The following CNR2 variants were observed in gnomAD, a reference collection of about 807,000 sequenced individuals.
The protein encoded by CNR2 is cannabinoid receptor 2 (macrophage).
For missense variants in CNR2, 379 were observed against 439.9 expected, an observed-to-expected ratio of 0.86 and a Z score of 1.24; for synonymous variants, 172 against 182.2, an observed-to-expected ratio of 0.94 and a Z score of 0.45.
chr1:23,890,566 T>A (rs539599930), intron 1 of CNR2, among the ~76,000 whole-genome samples: 6 of 151,870 alleles, frequency 4.0e-5, no homozygotes, highest in Non-Finnish European at 7.4e-5. Context: ...GCCAACATGG[T>A]GAAACCCCAT....
Position 23,872,074 on chromosome 1 carries a change from AG to A in CNR2, c.*2460del, listed in dbSNP as rs1348505330. 1 of 137,470 alleles carries A rather than the reference AG, an allele frequency of 7.3e-6. No individual in the cohort carries two copies. Among genetic ancestry groups the A allele is most frequent in the Non-Finnish European group, 1.5e-5 (1 of 65,386 alleles). The allele number at this position is 137,470 out of a possible 1,614,324, so 8.5% of individuals were successfully genotyped here. A position where few individuals can be genotyped will look rare whatever the true frequency, so the allele number is the denominator to read the frequency against. On this transcript the variant is annotated 3_prime_UTR_variant, in exon 2 of 2. Coordinates refer to ENST00000374472, the MANE Select transcript of CNR2 (RefSeq NM_001841.3). ...CTTGAACCTGAGAGGTGGAGGTTGC[AG>A]TGAGCCAAGATCATGTCACTGCACT...
chr1:23,901,268 C>A (rs1330567743), intron 1 of CNR2, among the ~76,000 whole-genome samples: 3 of 152,088 alleles, frequency 2.0e-5, no homozygotes, highest in Admixed American at 2.0e-4. Flanking sequence ...ACGTGCACCC[C>A]AGTGTACCAG....
intron 1 of CNR2, among the ~76,000 whole-genome samples, chr1:23,910,689 G>GAAAA (rs1377638230): frequency 2.6e-5 from 3 of 116,700 alleles, no homozygotes; most frequent in Admixed American, 2.6e-4. Flanking sequence ...AGAAAGAAAA[G>GAAAA]AAAAGAAAAC....
In CNR2 at chr1:23,874,446, A is replaced by G; in HGVS notation, c.*89T>C. On this transcript the variant is annotated 3_prime_UTR_variant, in exon 2 of 2. Coordinates refer to ENST00000374472, the MANE Select transcript of CNR2 (RefSeq NM_001841.3). ...TGTCTAGGTGTCTGGGACTGGTTTA[A>G]GTAAGAAGAGAGTGCCAAGACCCCT... 2 of 1,411,620 alleles carry G rather than the reference A, an allele frequency of 1.4e-6. No individual in the cohort carries two copies. Among genetic ancestry groups the G allele is most frequent in the Non-Finnish European group, 9.6e-7 (1 of 1,041,344 alleles). 87.4% of individuals were successfully genotyped at this position (1,411,620 alleles called of 1,614,324 possible).
At chr1:23,912,651 C>T (rs112035287) in intron 1 of CNR2, among the ~76,000 whole-genome samples, 2 of 152,206 alleles carry the variant, frequency 1.3e-5, no homozygotes, top group Admixed American at 6.5e-5. Flanking sequence ...CTTAGGGCAG[C>T]GCCTGGCACA....
chr1:23,904,318 C>T (rs1001898552), intron 1 of CNR2, among the ~76,000 whole-genome samples: 8 of 151,654 alleles, frequency 5.3e-5, no homozygotes, highest in Admixed American at 3.9e-4. Context: ...GGATTACAGG[C>T]GCCTGCCACC....
intron 1 of CNR2, among the ~76,000 whole-genome samples, chr1:23,881,893 A>T (rs114198973): frequency 0.022 from 3,214 of 145,560 alleles, 107 homozygotes; most frequent in African/African-American, 0.079. Context: ...CTTTGTCTTT[A>T]AAAAAAAAAA....
In CNR2 at chr1:23,877,834, A is replaced by T. The variant is rs533661727; in HGVS notation, c.-45-2172T>A. ...AAATTAGCCGGGCACGATGGTGGAC[A>T]CCTGTAATGCCAGCTACTCAGGAGG... On this transcript the variant is annotated intron_variant, in intron 1 of 1. Coordinates refer to ENST00000374472, the MANE Select transcript of CNR2 (RefSeq NM_001841.3). Among the ~76,000 whole-genome samples, 4 of 142,964 alleles carry T rather than the reference A, an allele frequency of 2.8e-5. No homozygotes were observed. The South Asian group carries it at 9.0e-4, about 32-fold the overall frequency. 93.8% of individuals were successfully genotyped at this position (142,964 alleles called of 152,430 possible).
chr1:23,888,662 T>C (rs918810876), intron 1 of CNR2, among the ~76,000 whole-genome samples: 2 of 152,058 alleles, frequency 1.3e-5, no homozygotes, highest in African/African-American at 4.8e-5. Flanking sequence ...GAACCTATTC[T>C]GGGCTGCCTG....
intron 1 of CNR2, among the ~76,000 whole-genome samples, chr1:23,905,240 A>G (rs1640468930): frequency 6.9e-6 from 1 of 145,040 alleles, no homozygotes; most frequent in African/African-American, 2.6e-5. Flanking sequence ...GCTGGAGTGT[A>G]GTGCATCTCG....
intron 1 of CNR2, among the ~76,000 whole-genome samples, chr1:23,891,966 C>T (rs1009936401): frequency 1.3e-5 from 2 of 152,170 alleles, no homozygotes; most frequent in Non-Finnish European, 2.9e-5. Flanking sequence ...TGGAACTCAG[C>T]CCAGCCAGGC....
chr1:23,890,771 A>AAAATT (rs1640176725), intron 1 of CNR2, among the ~76,000 whole-genome samples: 1 of 151,104 alleles, frequency 6.6e-6, no homozygotes, highest in African/African-American at 2.4e-5. Flanking sequence ...AAATAGATCA[A>AAAATT]AGTGACCCTC....
chr1:23,887,137 G>A (rs1640106652), intron 1 of CNR2, among the ~76,000 whole-genome samples: 1 of 152,082 alleles, frequency 6.6e-6, no homozygotes, highest in Admixed American at 6.6e-5. Context: ...TTTGTTGAGT[G>A]TTGTCAAGGT....
intron 1 of CNR2, among the ~76,000 whole-genome samples, chr1:23,877,149 T>TA (rs67057665): frequency 5.7e-4 from 87 of 151,628 alleles, no homozygotes; most frequent in African/African-American, 1.6e-3. Context: ...GGGTATACCT[T>TA]AAAAAAAAAG....
chr1:23,881,054 T>C (rs912072568), intron 1 of CNR2, among the ~76,000 whole-genome samples: 11 of 151,446 alleles, frequency 7.3e-5, no homozygotes, highest in Non-Finnish European at 1.5e-4. Flanking sequence ...GGCGGGCAGA[T>C]CACCTGAGGT....
Position 23,875,451 on chromosome 1 carries a change from T to G in CNR2, c.167A>C (p.Tyr56Ser). The change falls in exon 2 of 2, where the codon TAT becomes TCT. Residue 56 changes from tyrosine (Y) to serine (S), a missense_variant. Coordinates refer to ENST00000374472, the MANE Select transcript of CNR2 (RefSeq NM_001841.3). ...GAGTTGGTGGGAGGACAGGATCAGA[T>G]AGAGCACAGCCACGTTCTCCAGGGC... ...LSALENVAVL[Y>S]LILSSHQLRR... The G allele has an allele frequency of 3.7e-6, 6 of 1,614,146 alleles. No individual in the cohort carries two copies. The highest frequency in any genetic ancestry group is 2.2e-5 in the East Asian group (1 of 44,870).
chr1:23,909,835 C>CATTT (rs1640555038), intron 1 of CNR2, among the ~76,000 whole-genome samples: 1 of 152,132 alleles, frequency 6.6e-6, no homozygotes, highest in Non-Finnish European at 1.5e-5. Flanking sequence ...TACCTAGAGG[C>CATTT]ATTTCCACTC....
intron 1 of CNR2, among the ~76,000 whole-genome samples, chr1:23,911,798 C>G (rs1488385337): frequency 6.6e-6 from 1 of 152,132 alleles, no homozygotes; most frequent in Non-Finnish European, 1.5e-5. Flanking sequence ...GCTTCACCTG[C>G]CCAGCGCAGG....
At chr1:23,881,621 G>T (rs992179652) in intron 1 of CNR2, among the ~76,000 whole-genome samples, 1 of 151,428 alleles carries the variant, frequency 6.6e-6, no homozygotes, top group African/African-American at 2.4e-5. Flanking sequence ...CGGGCATGGT[G>T]GCTCACACCT....
Sources: gnomAD v4.1 joint callset for allele counts (sites outside exome capture counted in the v4.1 genomes callset) on GRCh38, gnomAD v4.1.1 for gene constraint, MANE v1.5 for transcripts, NCBI Gene and HGNC (gene_info 2026-07-23, HGNC 2026-07-21) for gene names.